The following MTMR3 variants were observed in gnomAD, a reference collection of about 807,000 sequenced individuals.
The protein encoded by MTMR3 is phosphatidylinositol-3,5-bisphosphate 3-phosphatase MTMR3.
MTMR3 carries 32 observed loss-of-function variants against 132.4 expected under a neutral mutation model. The ratio of observed to expected loss-of-function variants is 0.24; its 90% CI spans 0.18 to 0.32. MTMR3 has a LOEUF of 0.32. Ranked by LOEUF, MTMR3 falls within the 10% of genes least tolerant of loss-of-function variation. The pLI is 1.00. For missense variants in MTMR3, 1,216 were observed against 1,489.6 expected (o/e 0.82, Z 3.02); for synonymous variants, 556 against 550.3 (o/e 1.01, Z -0.14).
At chr22:29,949,145 C>A (rs1451401282) in intron 1 of MTMR3, among the ~76,000 whole-genome samples, 645 of 12,548 alleles carry the variant, frequency 0.051, 7 homozygotes, top group Non-Finnish European at 0.074. Flanking sequence ...ACACACACAC[C>A]CCCCCCCCCC....
intron 11 of MTMR3, 44 bp from the exon 12 acceptor site, chr22:30,008,974 T>TAATTA: frequency 7.1e-7 from 1 of 1,404,930 alleles, no homozygotes; most frequent in Non-Finnish European, 1.0e-6. Context: ...ATGTGGGCTT[T>TAATTA]AAGTTCAACG....
At chr22:29,925,106 C>T (rs761253727) in intron 1 of MTMR3, among the ~76,000 whole-genome samples, 4 of 152,220 alleles carry the variant, frequency 2.6e-5, no homozygotes, top group Non-Finnish European at 5.9e-5. Flanking sequence ...AATTACTGCT[C>T]ACTGTAGCTG....
At chr22:29,955,748 C>CA (rs1024302140) in intron 1 of MTMR3, among the ~76,000 whole-genome samples, 1 of 151,696 alleles carries the variant, frequency 6.6e-6, no homozygotes, top group Non-Finnish European at 1.5e-5. Flanking sequence ...ATTTTACTGA[C>CA]TTTTTTTTTC....
At chr22:29,944,790 A>G (rs2065921910) in intron 1 of MTMR3, among the ~76,000 whole-genome samples, 1 of 152,216 alleles carries the variant, frequency 6.6e-6, no homozygotes, top group South Asian at 2.1e-4. Flanking sequence ...ATGTAAACTC[A>G]TTAGAACTGT....
intron 1 of MTMR3, among the ~76,000 whole-genome samples, chr22:29,899,028 A>T (rs1482304398): frequency 1.3e-5 from 2 of 151,734 alleles, no homozygotes; most frequent in Non-Finnish European, 2.9e-5. Flanking sequence ...CCTTGATGGG[A>T]CAAATTTTTC....
Position 29,954,059 on chromosome 22 carries a change from C to CTTTTTTTTTTTTTTTTTTTTTTTTTTT in MTMR3, c.-137-2953_-137-2952insTTTTTTTTTTTTTTTTTTTTTTTTTTT, listed in dbSNP as rs59781649. On this transcript the variant is annotated intron_variant, in intron 1 of 19. Coordinates refer to ENST00000401950, the MANE Select transcript of MTMR3 (RefSeq NM_021090.4). Reference sequence around the variant, plus strand: ...CCCTTTTTTTTTCTTTCAAATGAGTCTTTTTTTTTTTTTTTTTTTTTTTTG... The same window carrying CTTTTTTTTTTTTTTTTTTTTTTTTTTT: ...CCCTTTTTTTTTCTTTCAAATGAGTCTTTTTTTTTTTTTTTTTTTTTTTTTTTTTTTTTTTTTTTTTTTTTTTTTTTG... Among the ~76,000 whole-genome samples the CTTTTTTTTTTTTTTTTTTTTTTTTTTT allele has an allele frequency of 7.6e-5, 6 of 79,434 alleles. 1 individual carries two copies. Among genetic ancestry groups the CTTTTTTTTTTTTTTTTTTTTTTTTTTT allele is most frequent in the African/African-American group, 2.6e-4 (5 of 18,936 alleles). The allele number at this position is 79,434 out of a possible 152,430, so 52.1% of individuals were successfully genotyped here. A position where few individuals can be genotyped will look rare whatever the true frequency, so the allele number is the denominator to read the frequency against.
intron 1 of MTMR3, among the ~76,000 whole-genome samples, chr22:29,938,678 A>G (rs937968435): frequency 6.6e-6 from 1 of 152,146 alleles, no homozygotes; most frequent in Admixed American, 6.5e-5. Flanking sequence ...CCATATAGAG[A>G]TAAATTTTTC....
chr22:29,893,855 T>G (rs1897226339), intron 1 of MTMR3, among the ~76,000 whole-genome samples: 1 of 152,148 alleles, frequency 6.6e-6, no homozygotes, highest in South Asian at 2.1e-4. Context: ...ATTTTATTTT[T>G]TATTTTTTAA....
At chr22:30,009,829 G>A (rs1337278945) in intron 12 of MTMR3, 1 of 152,198 alleles carries the variant, frequency 6.6e-6, no homozygotes, top group African/African-American at 2.4e-5. Flanking sequence ...CCAGAGATAG[G>A]TGCCAGAGAA....
chr22:29,966,720 GGTGTGCGTGTGTGTGTGT>G (rs2066423291), intron 2 of MTMR3, among the ~76,000 whole-genome samples: 1 of 116,290 alleles, frequency 8.6e-6, no homozygotes, highest in Admixed American at 8.7e-5. Flanking sequence ...GACCTGTAGG[GGTGTGCGTGTGTGTGTGT>G]GTGTGTGTGT....
At chr22:29,898,600 G>T (rs1220656059) in intron 1 of MTMR3, among the ~76,000 whole-genome samples, 1 of 152,018 alleles carries the variant, frequency 6.6e-6, no homozygotes, top group South Asian at 2.1e-4. Flanking sequence ...ACTGGGTTTT[G>T]TCCTGTTACC....
chr22:29,952,960 A>G (rs2066112841), intron 1 of MTMR3, among the ~76,000 whole-genome samples: 1 of 152,198 alleles, frequency 6.6e-6, no homozygotes, highest in African/African-American at 2.4e-5. Context: ...AAATCACCTA[A>G]AATTGTGGCG....
At chr22:30,002,832 T>C (rs374804277) in intron 8 of MTMR3, 48 bp from the exon 9 acceptor site, 2 of 1,417,746 alleles carry the variant, frequency 1.4e-6, no homozygotes, top group African/African-American at 2.8e-5. Context: ...GTTTTCTCTC[T>C]CCCTCTCTTA....
chr22:29,922,367 C>G (rs1029215493), intron 1 of MTMR3, among the ~76,000 whole-genome samples: 3 of 151,966 alleles, frequency 2.0e-5, no homozygotes, highest in Middle Eastern at 6.8e-3. Flanking sequence ...TGTGTAGACT[C>G]TACATTTTGT....
At chr22:29,982,779 A>T (rs2066774497) in intron 5 of MTMR3, 1 of 152,232 alleles carries the variant, frequency 6.6e-6, no homozygotes. Flanking sequence ...GTGGTAAAGA[A>T]TCTCTGTAGT....
intron 1 of MTMR3, among the ~76,000 whole-genome samples, chr22:29,954,111 C>T (rs1186658701): frequency 8.7e-6 from 1 of 114,906 alleles, no homozygotes; most frequent in African/African-American, 3.4e-5. Context: ...GAGACGAGGT[C>T]TCACTGTCAT....
chr22:30,004,449 G>A lies in MTMR3; in HGVS notation c.671+1456G>A, dbSNP rs1417588853. 3 of 152,290 alleles carry A rather than the reference G, an allele frequency of 2.0e-5. No individual in the cohort carries two copies. In the East Asian group the frequency reaches 5.8e-4, roughly 29 times the overall value. The allele number at this position is 152,290 out of a possible 1,614,324, so 9.4% of individuals were successfully genotyped here. A position where few individuals can be genotyped will look rare whatever the true frequency, so the allele number is the denominator to read the frequency against. ...CCTTTGGGAAGAGAAGCTTAAGAGG[G>A]CTGGTTGAAGAAAAACTTCCTTTTT... On this transcript the variant is annotated intron_variant, in intron 9 of 19. Transcript: ENST00000401950.
intron 5 of MTMR3, chr22:29,980,528 CCAGCTA>C (rs1331750904): frequency 6.6e-6 from 1 of 152,168 alleles, no homozygotes; most frequent in African/African-American, 2.4e-5. Flanking sequence ...GAATTCCCCA[CCAGCTA>C]CTGTGGAAGT....
At chr22:29,942,970 A>G (rs1286628456) in intron 1 of MTMR3, among the ~76,000 whole-genome samples, 1 of 152,192 alleles carries the variant, frequency 6.6e-6, no homozygotes, top group Non-Finnish European at 1.5e-5. Flanking sequence ...AGGCATAGGA[A>G]ATCACAAGGG....
Sources: gnomAD v4.1 joint callset for allele counts (sites outside exome capture counted in the v4.1 genomes callset) on GRCh38, gnomAD v4.1.1 for gene constraint, MANE v1.5 for transcripts, NCBI Gene and HGNC (gene_info 2026-07-23, HGNC 2026-07-21) for gene names.